The following NR6A1 variants were observed in gnomAD, a reference collection of about 807,000 sequenced individuals.
NR6A1 encodes nuclear receptor subfamily 6 group A member 1, also known as retinoic acid receptor-related testis-associated receptor.
A neutral mutation model predicts 59.1 loss-of-function variants in NR6A1; 7 were observed. That is an observed-to-expected ratio of 0.12 (90% CI 0.07 to 0.22). NR6A1 has a LOEUF of 0.22. Among genes scored for constraint, NR6A1 ranks in the 10% least tolerant of loss-of-function variants. The pLI, the probability that NR6A1 is intolerant of heterozygous loss-of-function variation, is 1.00. For synonymous variants in NR6A1, 243 were observed against 236.1 expected, an observed-to-expected ratio of 1.03 and a Z score of -0.27; for missense variants, 468 against 611.6, an observed-to-expected ratio of 0.77 and a Z score of 2.48.
At chr9:124,731,517 G>A (rs544524632) in intron 2 of NR6A1, among the ~76,000 whole-genome samples, 256 of 151,016 alleles carry the variant, frequency 1.7e-3, no homozygotes, top group African/African-American at 6.1e-3. Context: ...CCACTTCTAC[G>A]CAGACTTTTT....
At chr9:124,767,275 A>G (rs766210559) in intron 1 of NR6A1, among the ~76,000 whole-genome samples, 3 of 152,214 alleles carry the variant, frequency 2.0e-5, no homozygotes, top group Non-Finnish European at 4.4e-5. Context: ...GTACTAACAC[A>G]TGTGCCTTGC....
chr9:124,623,764 G>A (rs77636925), intron 2 of NR6A1, among the ~76,000 whole-genome samples: 1,571 of 152,226 alleles, frequency 0.01, 27 homozygotes, highest in African/African-American at 0.036. Flanking sequence ...TACCTCAGCT[G>A]TACTATATGG....
At chr9:124,615,901 C>G (rs1835875411) in intron 2 of NR6A1, among the ~76,000 whole-genome samples, 1 of 152,026 alleles carries the variant, frequency 6.6e-6, no homozygotes, top group African/African-American at 2.4e-5. Context: ...GTGGCACAAT[C>G]TCCGCTCACT....
intron 2 of NR6A1, chr9:124,598,661 A>AC (rs904992567): frequency 5.1e-6 from 2 of 391,400 alleles, no homozygotes; most frequent in African/African-American, 2.2e-5. Flanking sequence ...AAAAAAAAAA[A>AC]AAAAAAAACA....
chr9:124,709,667 C>T (rs917546508), intron 2 of NR6A1, among the ~76,000 whole-genome samples: 3 of 152,056 alleles, frequency 2.0e-5, no homozygotes, highest in Admixed American at 6.5e-5. Context: ...GGTGGGTTGG[C>T]GCACACCTGT....
At chr9:124,739,551 C>T (rs979669042) in intron 1 of NR6A1, among the ~76,000 whole-genome samples, 3 of 152,208 alleles carry the variant, frequency 2.0e-5, no homozygotes, top group African/African-American at 4.8e-5. Flanking sequence ...ACCTCTAGGA[C>T]CCAAGCAACC....
chr9:124,560,917 A>G (rs1834068246), intron 2 of NR6A1, among the ~76,000 whole-genome samples: 1 of 152,110 alleles, frequency 6.6e-6, no homozygotes, highest in Admixed American at 6.5e-5. Flanking sequence ...GATTAGGTGA[A>G]CAGACATACA....
At position 124,594,814 on chromosome 9, in the gene NR6A1, G is replaced by C. The variant is rs531772742; in HGVS notation, c.143-40244C>G. Among the ~76,000 whole-genome samples the C allele has an allele frequency of 5.9e-4, 90 of 152,302 alleles. 1 individual carries two copies. In the South Asian group the frequency reaches 0.018, roughly 31 times the overall value. On this transcript the variant is annotated intron_variant, in intron 2 of 9. Transcript: ENST00000487099. ...CCTGGTTTGTGCATCCCCAGAGTGA[G>C]AATGAAACTGCAAAGCTGCCTTTGG... is the stretch of plus-strand genomic sequence containing the variant.
chr9:124,766,737 G>A (rs1840945284), intron 1 of NR6A1, among the ~76,000 whole-genome samples: 1 of 152,152 alleles, frequency 6.6e-6, no homozygotes. Context: ...ATTATGACCA[G>A]CCCCAAAGAT....
intron 3 of NR6A1, among the ~76,000 whole-genome samples, chr9:124,544,530 T>C (rs2131365369): frequency 6.6e-6 from 1 of 152,306 alleles, no homozygotes; most frequent in African/African-American, 2.4e-5. Flanking sequence ...ACCACGGTAT[T>C]AGGCAATCCT....
rs549458631 is a variant in NR6A1 at position 124,691,398 on chromosome 9, T to C, written c.142+41910A>G. Reference sequence around the variant, plus strand: ...CTTTAGTATTTAAACCTAAAGCAAATAGTAATAACTATCCCCATTTAGAGA... The same window carrying C: ...CTTTAGTATTTAAACCTAAAGCAAACAGTAATAACTATCCCCATTTAGAGA... On this transcript the variant is annotated intron_variant, in intron 2 of 9. Coordinates refer to ENST00000487099, the MANE Select transcript of NR6A1 (RefSeq NM_033334.4). 6.4e-4 allele frequency among the ~76,000 whole-genome samples: 98 copies of C among 152,306 alleles called. 1 individual carries two copies. The South Asian group carries it at 0.018, about 28-fold the overall frequency.
At chr9:124,652,418 A>G (rs1248842204) in intron 2 of NR6A1, among the ~76,000 whole-genome samples, 1 of 152,172 alleles carries the variant, frequency 6.6e-6, no homozygotes, top group Admixed American at 6.5e-5. Flanking sequence ...CCTCTCTCTG[A>G]GCCTCAATAT....
Position 124,529,875 on chromosome 9 carries a change from C to A in NR6A1, c.1080-2975G>T, listed in dbSNP as rs184824149. Among the ~76,000 whole-genome samples the A allele has an allele frequency of 7.7e-4, 117 of 151,894 alleles. 1 individual carries two copies. The highest frequency in any genetic ancestry group is 2.7e-3 in the African/African-American group (113 of 41,406). On this transcript the variant is annotated intron_variant, in intron 7 of 9. Coordinates refer to ENST00000487099, the MANE Select transcript of NR6A1 (RefSeq NM_033334.4). ...GTTCTTGGGAGTGGGAAAAAAAGTT[C>A]TTTACTGCCAATTTCTTTCAGTATC... is the stretch of plus-strand genomic sequence containing the variant.
Position 124,771,173 on chromosome 9 carries a change from C to A in NR6A1, c.-54G>T. On this transcript the variant is annotated 5_prime_UTR_variant, in exon 1 of 10. It adds an upstream start codon to the 5' untranslated region. Transcript: ENST00000487099. ...TTGTTGCTCCGCCATGACCGGCGCC[C>A]TAGTCGCCGTGGTCGTCGTCCGCCG... 3.9e-6 allele frequency: 4 copies of A among 1,030,856 alleles called. No individual in the cohort carries two copies. The highest frequency in any genetic ancestry group is 5.0e-6 in the Non-Finnish European group (4 of 804,128). 63.9% of individuals were successfully genotyped at this position (1,030,856 alleles called of 1,614,324 possible).
chr9:124,610,724 T>C (rs183473102), intron 2 of NR6A1, among the ~76,000 whole-genome samples: 3 of 152,322 alleles, frequency 2.0e-5, no homozygotes, highest in Admixed American at 2.0e-4. Context: ...TAAATCCGTC[T>C]GGTCCTCGGC....
At chr9:124,697,098 C>G (rs921439969) in intron 2 of NR6A1, among the ~76,000 whole-genome samples, 1 of 152,138 alleles carries the variant, frequency 6.6e-6, no homozygotes, top group Non-Finnish European at 1.5e-5. Context: ...GATTAGGAGC[C>G]TGGAGTGTAC....
At position 124,672,079 on chromosome 9, in the gene NR6A1, C is replaced by T. The variant is rs1056657469; in HGVS notation, c.142+61229G>A. ...CTATGGAATATTTTGTGCCTGACTT[C>T]GTTTCCTCAACATCCTGTCTGGGAG... On this transcript the variant is annotated intron_variant, in intron 2 of 9. Coordinates refer to ENST00000487099, the MANE Select transcript of NR6A1 (RefSeq NM_033334.4). 5.3e-5 allele frequency among the ~76,000 whole-genome samples: 8 copies of T among 152,178 alleles called. No individual in the cohort carries two copies. In the South Asian group the frequency reaches 1.0e-3, roughly 20 times the overall value.
intron 2 of NR6A1, among the ~76,000 whole-genome samples, chr9:124,716,564 A>C (rs1839421999): frequency 6.6e-6 from 1 of 152,046 alleles, no homozygotes; most frequent in African/African-American, 2.4e-5. Context: ...TGACGGACTT[A>C]TATGTTATAT....
chr9:124,671,461 C>T (rs1837793480), intron 2 of NR6A1, among the ~76,000 whole-genome samples: 1 of 152,120 alleles, frequency 6.6e-6, no homozygotes, highest in South Asian at 2.1e-4. Context: ...TGTCATGGTA[C>T]TTAATATTTC....
Sources: gnomAD v4.1 joint callset for allele counts (sites outside exome capture counted in the v4.1 genomes callset) on GRCh38, gnomAD v4.1.1 for gene constraint, MANE v1.5 for transcripts, NCBI Gene and HGNC (gene_info 2026-07-23, HGNC 2026-07-21) for gene names.